Variants in CPE observed in about 807,000 individuals in gnomAD.
The protein encoded by CPE is carbocypeptidase E.
CPE carries 17 observed loss-of-function variants against 53.5 expected under a neutral mutation model. The observed-to-expected ratio is 0.32, with a 90% CI of 0.22 to 0.48. The LOEUF is 0.48. CPE is among the 20% of genes least tolerant of loss of function. CPE has a pLI of 0.99. For missense variants in CPE, 524 were observed against 614.7 expected (o/e 0.85, Z 1.56); for synonymous variants, 226 against 228.8 (o/e 0.99, Z 0.11).
chr4:165,495,409 C>A (rs1176961258), intron 7 of CPE, 150 bp from the exon 8 acceptor site: 9 of 577,608 alleles, frequency 1.6e-5, no homozygotes. Flanking sequence ...AATAAAATTT[C>A]ATTAAATTCC....
chr4:165,404,645 A>G lies in CPE; in HGVS notation c.307+25117A>G. The G allele has an allele frequency of 9.8e-6, 11 of 1,119,304 alleles. No homozygotes were observed. In the South Asian group the frequency reaches 1.4e-4, roughly 14 times the overall value. 69.3% of individuals were successfully genotyped at this position (1,119,304 alleles called of 1,614,324 possible). A position where few individuals can be genotyped will look rare whatever the true frequency, so the allele number is the denominator to read the frequency against. ...GCCAAGGCTTGTGGTCAGGGAATCC[A>G]GCTTCTTTGGGTCAACTCCTTCCTG... On this transcript the variant is annotated intron_variant, in intron 1 of 8. Transcript: ENST00000402744.
At chr4:165,448,847 G>A (rs1731760191) in intron 1 of CPE, among the ~76,000 whole-genome samples, 1 of 152,190 alleles carries the variant, frequency 6.6e-6, no homozygotes, top group African/African-American at 2.4e-5. Flanking sequence ...ACTTGATTAT[G>A]GAGACAGAGT....
At chr4:165,431,686 A>G (rs1007230764) in intron 1 of CPE, among the ~76,000 whole-genome samples, 3 of 152,198 alleles carry the variant, frequency 2.0e-5, no homozygotes, top group African/African-American at 7.2e-5. Flanking sequence ...GGTAATTGAA[A>G]TTAAGTACTG....
rs1356278015 is a variant in CPE at position 165,446,676 on chromosome 4, A to G, written c.308-17714A>G. On this transcript the variant is annotated intron_variant, in intron 1 of 8. Coordinates refer to ENST00000402744, the MANE Select transcript of CPE (RefSeq NM_001873.4). ...AGTTATTTTCTAATAGTTTGGAAAAAATAATAATTTTTATTGCTGGCCTTA... is the reference window on the plus strand; with the variant it reads ...AGTTATTTTCTAATAGTTTGGAAAAGATAATAATTTTTATTGCTGGCCTTA... Among the ~76,000 whole-genome samples, 3 of 152,262 alleles carry G rather than the reference A, an allele frequency of 2.0e-5. No individual in the cohort carries two copies. In the East Asian group the frequency reaches 5.8e-4, roughly 29 times the overall value.
At chr4:165,390,700 A>G (rs1730666227) in intron 1 of CPE, among the ~76,000 whole-genome samples, 1 of 152,264 alleles carries the variant, frequency 6.6e-6, no homozygotes, top group African/African-American at 2.4e-5. Context: ...TTATATTTTC[A>G]TATGTATGAG....
intron 1 of CPE, among the ~76,000 whole-genome samples, chr4:165,425,973 T>G (rs760582137): frequency 2.6e-5 from 4 of 152,224 alleles, no homozygotes; most frequent in Non-Finnish European, 5.9e-5. Context: ...CTATTGTGCC[T>G]GAATGAATTG....
At chr4:165,438,311 T>G (rs144273019) in intron 1 of CPE, among the ~76,000 whole-genome samples, 135 of 152,250 alleles carry the variant, frequency 8.9e-4, no homozygotes, top group African/African-American at 3.1e-3. Context: ...GGAGTTGTTT[T>G]GCAGCACGGG....
At chr4:165,481,192 C>T (rs1732406217) in intron 3 of CPE, among the ~76,000 whole-genome samples, 2 of 152,152 alleles carry the variant, frequency 1.3e-5, no homozygotes, top group Non-Finnish European at 2.9e-5. Flanking sequence ...TAGGGTTTCA[C>T]TGACTGGATG....
chr4:165,379,480 G>A lies in CPE; in HGVS notation c.259G>A (p.Glu87Lys). ...GGTGGGGCGCAGCTTCGAGGGCCGGGAGCTCCTGGTCATCGAGCTGTCCGA... is the reference window on the plus strand; with the variant it reads ...GGTGGGGCGCAGCTTCGAGGGCCGGAAGCTCCTGGTCATCGAGCTGTCCGA... The part of the protein sequence containing the change: ...YTVGRSFEGR[E>K]LLVIELSDNP... Residue 87 changes from glutamate (E) to lysine (K), a missense_variant, in exon 1 of 9, where the codon GAG (glutamate) becomes AAG (lysine). Glu to Lys is a moderately conservative substitution (Grantham distance 56). Coordinates refer to ENST00000402744, the MANE Select transcript of CPE (RefSeq NM_001873.4). This position sits in a 1 kb window ranked among gnomAD's most constrained non-coding sequence, Gnocchi z 6.0. 1 of 1,602,724 alleles carries A rather than the reference G, an allele frequency of 6.2e-7. No homozygotes were observed. The highest frequency in any genetic ancestry group is 8.5e-7 in the Non-Finnish European group (1 of 1,172,968).
intron 1 of CPE, among the ~76,000 whole-genome samples, chr4:165,444,061 CA>C (rs1159394731): frequency 6.6e-6 from 1 of 152,132 alleles, no homozygotes; most frequent in Non-Finnish European, 1.5e-5. Flanking sequence ...TCTTATTTAT[CA>C]GTTACGCAGT....
intron 5 of CPE, among the ~76,000 whole-genome samples, chr4:165,486,447 G>T (rs928744347): frequency 6.6e-6 from 1 of 152,076 alleles, no homozygotes; most frequent in East Asian, 1.9e-4. Context: ...TAGTGTGAAA[G>T]GAAATTAAAT....
chr4:165,379,302 C>G lies in CPE; in HGVS notation c.81C>G (p.Ala27=). ...GCGGGTGGCTCCTGGGCGCCGAAGC[C>G]CAGGAGCCCGGGGCGCCCGCGGCGG... ...AACGWLLGAE[A]QEPGAPAAGM... Residue 27 remains alanine, a synonymous_variant, in exon 1 of 9, where the codon GCC becomes GCG. Coordinates refer to ENST00000402744, the MANE Select transcript of CPE (RefSeq NM_001873.4). The surrounding 1 kb of genome is among the most constrained non-coding windows in gnomAD (Gnocchi z 6.0). 6.5e-7 allele frequency: 1 copy of G among 1,541,128 alleles called. No individual in the cohort carries two copies. Among genetic ancestry groups the G allele is most frequent in the South Asian group, 1.2e-5 (1 of 84,458 alleles).
chr4:165,379,425 G>A lies in CPE; in HGVS notation c.204G>A (p.Leu68=). ...GCGAGGCGCTCGTGTCCGTGTGGCT[G>A]CAGTGCACCGCCATCAGCAGGATTT... ...ELREALVSVW[L]QCTAISRIYT... Residue 68 remains leucine (L), a synonymous_variant, in exon 1 of 9, where the codon CTG becomes CTA. Transcript: ENST00000402744. The surrounding 1 kb of genome is among the most constrained non-coding windows in gnomAD (Gnocchi z 6.0). The A allele has an allele frequency of 6.2e-7, 1 of 1,610,206 alleles. No individual in the cohort carries two copies. Among genetic ancestry groups the A allele is most frequent in the Non-Finnish European group, 8.5e-7 (1 of 1,178,896 alleles).
chr4:165,491,725 GTTTTC>G (rs894641956), intron 6 of CPE, among the ~76,000 whole-genome samples: 4 of 151,964 alleles, frequency 2.6e-5, no homozygotes, highest in African/African-American at 9.7e-5. Flanking sequence ...GGGTGTGAGA[GTTTTC>G]TTTTTTTTTA....
chr4:165,448,950 A>T (rs374448531), intron 1 of CPE, among the ~76,000 whole-genome samples: 1 of 152,222 alleles, frequency 6.6e-6, no homozygotes, highest in East Asian at 1.9e-4. Context: ...ATAGGGGAAG[A>T]TATTTAAACT....
intron 8 of CPE, among the ~76,000 whole-genome samples, chr4:165,496,902 T>G (rs977380132): frequency 6.6e-6 from 1 of 152,132 alleles, no homozygotes; most frequent in South Asian, 2.1e-4. Context: ...GGCAGAAAAT[T>G]AACTATAAGT....
chr4:165,453,238 TG>T (rs1731843719), intron 1 of CPE, among the ~76,000 whole-genome samples: 1 of 152,132 alleles, frequency 6.6e-6, no homozygotes, highest in South Asian at 2.1e-4. Context: ...GATGAAGGCA[TG>T]AGCCACCATG....
intron 1 of CPE, among the ~76,000 whole-genome samples, chr4:165,449,924 C>G (rs973007927): frequency 2.0e-5 from 3 of 151,966 alleles, no homozygotes; most frequent in Non-Finnish European, 4.4e-5. Context: ...GACAAGATAT[C>G]TCAAACCATC....
intron 1 of CPE, chr4:165,404,189 A>G: frequency 1.3e-6 from 1 of 759,854 alleles, no homozygotes. Context: ...GGCTTCATAC[A>G]GATCCACAAA....
Sources: allele counts gnomAD v4.1 joint callset (sites outside exome capture counted in the v4.1 genomes callset), GRCh38; gene constraint gnomAD v4.1.1; non-coding constraint Gnocchi (gnomAD v3.1); transcripts MANE v1.5; gene names NCBI Gene and HGNC (gene_info 2026-07-23, HGNC 2026-07-21).